NBAS: variants seen among roughly 807,000 people sequenced by gnomAD.
NBAS encodes the protein NAG/BC035112 fusion.
In NBAS, 219 loss-of-function variants were observed where a neutral mutation model predicts 302.5. That is an observed-to-expected ratio of 0.72 (90% confidence interval 0.65 to 0.81). The LOEUF (loss-of-function observed/expected upper bound fraction) is 0.81. Ranked by LOEUF, NBAS falls within the 30% of genes least tolerant of loss-of-function variation. The pLI is 0.00. For synonymous variants in NBAS, 1,118 were observed against 1,021.6 expected, an observed-to-expected ratio of 1.09 and a Z score of -1.80; for missense variants, 2,932 against 2,841.6, an observed-to-expected ratio of 1.03 and a Z score of -0.72.
chr2:14,799,078 T>A, the NBAS span, among the ~76,000 whole-genome samples: 8 of 152,030 alleles, frequency 5.3e-5, no homozygotes, highest in Non-Finnish European at 1.2e-4. Context: ...ATGTATTAGT[T>A]CTTTTCTTGT....
the NBAS span, among the ~76,000 whole-genome samples, chr2:15,143,647 G>A: frequency 2.0e-5 from 3 of 152,076 alleles, no homozygotes; most frequent in Non-Finnish European, 2.9e-5. Flanking sequence ...CACACCCCTC[G>A]TATGATGGTT....
rs746504972 is a variant in NBAS, at chr2:15,473,363, C to A, written c.1600-16G>T. 3 of 1,613,028 alleles carry A rather than the reference C, an allele frequency of 1.9e-6. No individual in the cohort carries two copies. The highest frequency in any genetic ancestry group is 2.5e-6 in the Non-Finnish European group (3 of 1,179,300). On this transcript the variant is annotated splice_polypyrimidine_tract_variant and intron_variant, in intron 15 of 51. Coordinates refer to ENST00000281513, the MANE Select transcript of NBAS (RefSeq NM_015909.4). ...CACTTTCAATCTTCAGATAAAAACA[C>A]GAGGACAGGAATGTTACATGACTGA...
intron 25 of NBAS, among the ~76,000 whole-genome samples, chr2:15,414,132 G>C (rs1044094491): frequency 6.6e-6 from 1 of 152,084 alleles, no homozygotes; most frequent in Non-Finnish European, 1.5e-5. Flanking sequence ...AGATTACTAA[G>C]AGCAAACTGC....
chr2:15,179,657 T>C (rs1008342055), intron 50 of NBAS: 5 of 156,664 alleles, frequency 3.2e-5, no homozygotes, highest in Non-Finnish European at 7.1e-5. Flanking sequence ...TTTTAAAATG[T>C]ATCTATCATT....
the NBAS span, among the ~76,000 whole-genome samples, chr2:14,874,445 T>C: frequency 7.2e-6 from 1 of 139,674 alleles, no homozygotes; most frequent in Non-Finnish European, 1.5e-5. Context: ...TCTAACATGG[T>C]GAAACCCCGT....
At chr2:15,415,744 G>T in intron 24 of NBAS, 25 bp from the exon 25 acceptor site, 1 of 1,613,230 alleles carries the variant, frequency 6.2e-7, no homozygotes. Flanking sequence ...AAGCAAAACA[G>T]ACAAACAAGA....
At chr2:15,386,715 A>T (rs1245172314) in intron 28 of NBAS, among the ~76,000 whole-genome samples, 1 of 152,244 alleles carries the variant, frequency 6.6e-6, no homozygotes, top group Non-Finnish European at 1.5e-5. Flanking sequence ...CATAAACTAA[A>T]TGACTACTAG....
At chr2:14,886,668 C>CAGTGT in the NBAS span, 1 of 152,370 alleles carries the variant, frequency 6.6e-6, no homozygotes, top group Admixed American at 6.5e-5. Flanking sequence ...TACCTTGAGC[C>CAGTGT]AGTGTCTACA....
intron 44 of NBAS, among the ~76,000 whole-genome samples, chr2:15,247,637 A>G (rs149856458): frequency 0.03 from 4,601 of 151,928 alleles, 237 homozygotes; most frequent in African/African-American, 0.1. Context: ...CATAATGGTA[A>G]AGGGATCAAT....
the NBAS span, among the ~76,000 whole-genome samples, chr2:14,806,438 A>G: frequency 6.6e-6 from 1 of 152,196 alleles, no homozygotes; most frequent in African/African-American, 2.4e-5. Flanking sequence ...CCTTCAGAAC[A>G]AAGATTCTTG....
chr2:15,539,939 C>T (rs185176539), intron 6 of NBAS, among the ~76,000 whole-genome samples: 2 of 152,108 alleles, frequency 1.3e-5, no homozygotes, highest in East Asian at 1.9e-4. Flanking sequence ...GTCAATCACA[C>T]AATTTCAAGA....
At chr2:15,195,531 T>G (rs911864515) in intron 48 of NBAS, among the ~76,000 whole-genome samples, 1 of 152,012 alleles carries the variant, frequency 6.6e-6, no homozygotes, top group Non-Finnish European at 1.5e-5. Flanking sequence ...TTAGAGTGGG[T>G]AGCTAGGCAG....
In NBAS at chr2:15,219,045, A is replaced by T. The variant is rs573090945; in HGVS notation, c.6237-77T>A. The T allele has an allele frequency of 3.8e-4, 591 of 1,535,426 alleles. 5 individuals are homozygous for T. Among genetic ancestry groups the T allele is most frequent in the South Asian group, 2.1e-3 (182 of 85,670 alleles). ...CCCCTTCCGGTAATCAAATGTGGTC[A>T]CTGACCTAACACTTGTTTGTTGGAT... is the stretch of plus-strand genomic sequence containing the variant. On this transcript the variant is annotated intron_variant, in intron 47 of 51. Coordinates refer to ENST00000281513, the MANE Select transcript of NBAS (RefSeq NM_015909.4).
chr2:14,841,009 A>G, the NBAS span, among the ~76,000 whole-genome samples: 1 of 151,998 alleles, frequency 6.6e-6, no homozygotes, highest in Non-Finnish European at 1.5e-5. Context: ...AAATATGTAA[A>G]TCAAGACAAC....
At chr2:14,821,653 A>T in the NBAS span, among the ~76,000 whole-genome samples, 1 of 152,130 alleles carries the variant, frequency 6.6e-6, no homozygotes, top group Non-Finnish European at 1.5e-5. Flanking sequence ...ACATTACTTG[A>T]TTAATACAGA....
At chr2:14,804,151 A>G in the NBAS span, among the ~76,000 whole-genome samples, 1 of 152,214 alleles carries the variant, frequency 6.6e-6, no homozygotes, top group Non-Finnish European at 1.5e-5. Flanking sequence ...AGAATGGTGA[A>G]AAATTTGAGT....
At chr2:15,176,529 C>G (rs764557824) in intron 51 of NBAS, among the ~76,000 whole-genome samples, 1 of 152,104 alleles carries the variant, frequency 6.6e-6, no homozygotes, top group Non-Finnish European at 1.5e-5. Context: ...ATAATGTTGA[C>G]AGATTGAATC....
chr2:14,807,148 G>C, the NBAS span, among the ~76,000 whole-genome samples: 1 of 151,910 alleles, frequency 6.6e-6, no homozygotes, highest in East Asian at 1.9e-4. Context: ...ATCAGGGGGG[G>C]GTTCACATGC....
At chr2:15,415,424 T>C (rs1676879465) in intron 25 of NBAS, 122 bp downstream of exon 25, 1 of 866,078 alleles carries the variant, frequency 1.2e-6, no homozygotes, top group Non-Finnish European at 1.9e-6. Flanking sequence ...AAAATGACAA[T>C]CATTTGTTTT....
Sources: allele counts gnomAD v4.1 joint callset (sites outside exome capture counted in the v4.1 genomes callset), GRCh38; gene constraint gnomAD v4.1.1; transcripts MANE v1.5; gene names NCBI Gene and HGNC (gene_info 2026-07-23, HGNC 2026-07-21).